Variants in POLD2 observed in about 807,000 individuals in gnomAD.
The protein encoded by POLD2 is DNA polymerase delta 2, accessory subunit, also known as DNA polymerase delta subunit 2.
A neutral mutation model predicts 48.8 loss-of-function variants in POLD2; 31 were observed. That is an observed-to-expected ratio of 0.64 (90% CI 0.48 to 0.86). The LOEUF is 0.86. POLD2 is among the 40% of genes least tolerant of loss of function. The pLI is 0.00. For missense variants in POLD2, 455 were observed against 610.1 expected (o/e 0.75, Z 2.68); for synonymous variants, 233 against 256.3 (o/e 0.91, Z 0.87).
chr7:44,117,483 C>A, intron 4 of POLD2, 136 bp downstream of exon 4: 3 of 1,143,054 alleles, frequency 2.6e-6, no homozygotes, highest in Non-Finnish European at 3.7e-6. Flanking sequence ...GGAGCCTCAC[C>A]TACCTCCTCA....
chr7:44,114,738 T>C lies in POLD2; in HGVS notation c.*47A>G, dbSNP rs376670483. The C allele has an allele frequency of 6.4e-7, 1 of 1,557,964 alleles. No homozygotes were observed. Among genetic ancestry groups the C allele is most frequent in the Non-Finnish European group, 8.7e-7 (1 of 1,143,230 alleles). On this transcript the variant is annotated 3_prime_UTR_variant, in exon 11 of 11. Transcript: ENST00000610533. ...TTTACAATGCCGACACTGCAGGGAA[T>C]GAACAGCCTCCATCTGGGCCTCTCT...
chr7:44,122,353 C>G (rs2096249459), intron 1 of POLD2: 1 of 1,294,734 alleles, frequency 7.7e-7, no homozygotes, highest in Non-Finnish European at 9.8e-7. Flanking sequence ...CTTCCCGAAC[C>G]CTAGACTCAG....
At position 44,116,475 on chromosome 7, in the gene POLD2, G is replaced by A. The variant is rs749854320; in HGVS notation, c.816C>T (p.Ser272=). The change falls in exon 7 of 11, where the codon AGC becomes AGT. Residue 272 remains serine (S), a synonymous_variant. Coordinates refer to ENST00000610533, the MANE Select transcript of POLD2 (RefSeq NM_006230.4). The surrounding 1 kb of genome is among the most constrained non-coding windows in gnomAD (Gnocchi z 6.1). ...KYLTKKTQAA[S]VEAVKMLDEI... is the part of the protein sequence containing the mutation. ...CATCCAGCATCTTAACAGCCTCCACGCTGGCTGCCTGGGTTTTCTTGGTGA... is the reference window on the plus strand; with the variant it reads ...CATCCAGCATCTTAACAGCCTCCACACTGGCTGCCTGGGTTTTCTTGGTGA... The A allele has an allele frequency of 1.1e-5, 17 of 1,584,456 alleles. No homozygotes were observed. Among genetic ancestry groups the A allele is most frequent in the South Asian group, 6.9e-5 (6 of 86,828 alleles).
Position 44,117,943 on chromosome 7 carries a change from C to T in POLD2, c.342G>A (p.Glu114=). The change falls in exon 3 of 11, where the codon GAG becomes GAA. Residue 114 remains glutamate, a splice_region_variant and synonymous_variant. Transcript: ENST00000610533. ...CCCACTGTGTAGCACCCTGCCTCAC[C>T]TCCTCGCTGACCTCCCGCAGGATGG... ...QPSILREVSE[E]HNLLPQPPRS... 3 of 1,613,882 alleles carry T rather than the reference C, an allele frequency of 1.9e-6. No individual in the cohort carries two copies. Among genetic ancestry groups the T allele is most frequent in the Admixed American group, 3.3e-5 (2 of 59,990 alleles).
intron 1 of POLD2, chr7:44,123,189 A>C (rs1200845844): frequency 1.6e-6 from 2 of 1,225,738 alleles, no homozygotes; most frequent in Non-Finnish European, 1.0e-6. Flanking sequence ...TAGAAAGTTA[A>C]AAAATTCCCT....
chr7:44,123,167 T>C (rs958362681), intron 1 of POLD2: 8 of 1,001,352 alleles, frequency 8.0e-6, no homozygotes, highest in Non-Finnish European at 1.0e-5. Flanking sequence ...TTTACTTTTT[T>C]CGTACACCTA....
chr7:44,123,479 C>T (rs762765424), intron 1 of POLD2, 32 bp downstream of exon 1: 14 of 1,497,226 alleles, frequency 9.4e-6, no homozygotes, highest in Non-Finnish European at 1.1e-5. Context: ...CTGCCACCCC[C>T]AGCTGACCCC....
chr7:44,116,421 C>A lies in POLD2; in HGVS notation c.861+9G>T. 6.4e-7 allele frequency: 1 copy of A among 1,574,288 alleles called. No individual in the cohort carries two copies. The highest frequency in any genetic ancestry group is 1.3e-5 in the African/African-American group (1 of 74,198). ...TCCCCATCACCCCTCCAGCCCCCAG[C>A]TCGCTCACGCTCAGCTGCAGGAGGA... On this transcript the variant is annotated intron_variant, in intron 7 of 10. Coordinates refer to ENST00000610533, the MANE Select transcript of POLD2 (RefSeq NM_006230.4). The surrounding 1 kb of genome is among the most constrained non-coding windows in gnomAD (Gnocchi z 6.1).
rs778255587 is a variant in POLD2, at chr7:44,117,148, G to C, written c.566C>G (p.Pro189Arg). The C allele has an allele frequency of 3.7e-6, 6 of 1,613,604 alleles. No individual in the cohort carries two copies. Among genetic ancestry groups the C allele is most frequent in the Admixed American group, 1.7e-5 (1 of 59,978 alleles). ...ADLAPQKPAP[P>R]LDTDRFVLLV... The stretch of plus-strand genomic sequence containing the variant: ...TGCTGCTCACCTATCTGTGTCAAGT[G>C]GGGGTGCGGGCTTCTGGGGAGCAAG... Residue 189 changes from proline (P) to arginine (R), a missense_variant, in exon 5 of 11, where the codon CCA (proline) becomes CGA (arginine). Coordinates refer to ENST00000610533, the MANE Select transcript of POLD2 (RefSeq NM_006230.4).
rs755340551 is a variant in POLD2 at position 44,121,713 on chromosome 7, G to A, written c.220+121C>T. The A allele has an allele frequency of 1.0e-5, 10 of 959,702 alleles. No homozygotes were observed. Among genetic ancestry groups the A allele is most frequent in the Non-Finnish European group, 1.5e-5 (10 of 652,736 alleles). The allele number at this position is 959,702 out of a possible 1,614,324, so 59.4% of individuals were successfully genotyped here. On this transcript the variant is annotated intron_variant, in intron 2 of 10. Coordinates refer to ENST00000610533, the MANE Select transcript of POLD2 (RefSeq NM_006230.4). The surrounding 1 kb of genome is among the most constrained non-coding windows in gnomAD (Gnocchi z 4.5). Reference sequence around the variant, plus strand: ...TAAGAAGAAACTGAGGGAAAAAGAGGTTAATTTTCCCAAGGTAACAGGAAG... The same window carrying A: ...TAAGAAGAAACTGAGGGAAAAAGAGATTAATTTTCCCAAGGTAACAGGAAG...
At chr7:44,120,563 T>C (rs1220145897) in intron 2 of POLD2, among the ~76,000 whole-genome samples, 1 of 152,242 alleles carries the variant, frequency 6.6e-6, no homozygotes, top group Non-Finnish European at 1.5e-5. Flanking sequence ...ACATCTCATC[T>C]GGAATTATAA....
chr7:44,123,373 A>T, intron 1 of POLD2, 138 bp downstream of exon 1: 2 of 1,413,522 alleles, frequency 1.4e-6, no homozygotes, highest in Non-Finnish European at 1.8e-6. Context: ...TGTCCCAGTC[A>T]CGGCGGGTGC....
At position 44,122,104 on chromosome 7, in the gene POLD2, G is replaced by T; in HGVS notation, c.-51C>A. The T allele has an allele frequency of 6.3e-7, 1 of 1,590,092 alleles. No homozygotes were observed. The highest frequency in any genetic ancestry group is 8.6e-7 in the Non-Finnish European group (1 of 1,165,318). On this transcript the variant is annotated 5_prime_UTR_variant, in exon 2 of 11. Transcript: ENST00000610533. ...CACACAGCTTCGCCCAGGCCAAGGA[G>T]GTTCACTGCGAAAACACAAAGGCAT...
Position 44,117,658 on chromosome 7 carries a change from T to A in POLD2, c.427A>T (p.Lys143Ter), listed in dbSNP as rs754040306. Residue 143 changes from lysine (K) to a stop codon, truncating the protein, a stop_gained, in exon 4 of 11, where the codon AAA becomes TAA. Coordinates refer to ENST00000610533, the MANE Select transcript of POLD2 (RefSeq NM_006230.4). LOFTEE classifies it high-confidence loss of function. ...GACACGTCAATGGTGCCTTTTAGTTTGATACGCTGCAGTTCATCTTCCAAG... is the reference window on the plus strand; with the variant it reads ...GACACGTCAATGGTGCCTTTTAGTTAGATACGCTGCAGTTCATCTTCCAAG... ...LVLEDELQRI[K>*]LKGTIDVSKL... 1.9e-6 allele frequency: 3 copies of A among 1,609,840 alleles called. No homozygotes were observed.
At chr7:44,120,286 C>T (rs2096246481) in intron 2 of POLD2, among the ~76,000 whole-genome samples, 1 of 152,132 alleles carries the variant, frequency 6.6e-6, no homozygotes, top group Non-Finnish European at 1.5e-5. Flanking sequence ...TTTGACAGCT[C>T]CAATAACTGG....
chr7:44,117,194 C>A lies in POLD2; in HGVS notation c.520G>T (p.Glu174Ter), dbSNP rs756385362. The part of the protein sequence containing the change: ...SVRDDGKFLV[E>*]DYCFADLAPQ... ...GCAAGGTCAGCAAAGCAATAGTCCT[C>A]CACCAGAAACTTCCCGTCGTCTCTC... is the stretch of plus-strand genomic sequence containing the variant. Residue 174 changes from glutamate to a stop codon, truncating the protein, a stop_gained, in exon 5 of 11, where the codon GAG (glutamate) becomes TAG (stop). Coordinates refer to ENST00000610533, the MANE Select transcript of POLD2 (RefSeq NM_006230.4). LOFTEE classifies it high-confidence loss of function. The A allele has an allele frequency of 2.5e-6, 4 of 1,613,930 alleles. No homozygotes were observed. In the Admixed American group the frequency reaches 6.7e-5, roughly 27 times the overall value.
Position 44,117,493 on chromosome 7 carries a change from A to G in POLD2, c.466+126T>C, listed in dbSNP as rs2096241989. 5 of 1,232,780 alleles carry G rather than the reference A, an allele frequency of 4.1e-6. No homozygotes were observed. In the Admixed American group the frequency reaches 8.6e-5, roughly 21 times the overall value. 76.4% of individuals were successfully genotyped at this position (1,232,780 alleles called of 1,614,324 possible). On this transcript the variant is annotated intron_variant, in intron 4 of 10. Transcript: ENST00000610533. ...CGCCTGGAGCCTCACCTACCTCCTCAAGAACACACGTGTGCCCAGGCCACA... is the reference window on the plus strand; with the variant it reads ...CGCCTGGAGCCTCACCTACCTCCTCGAGAACACACGTGTGCCCAGGCCACA...
At position 44,121,753 on chromosome 7, in the gene POLD2, T is replaced by C. The variant is rs918486534; in HGVS notation, c.220+81A>G. 3 of 1,350,658 alleles carry C rather than the reference T, an allele frequency of 2.2e-6. No homozygotes were observed. Among genetic ancestry groups the C allele is most frequent in the Non-Finnish European group, 2.0e-6 (2 of 989,750 alleles). The allele number at this position is 1,350,658 out of a possible 1,614,324, so 83.7% of individuals were successfully genotyped here. A position where few individuals can be genotyped will look rare whatever the true frequency, so the allele number is the denominator to read the frequency against. ...GTAACAGGAAGTGGGATCAATTAGATAAACTGTTCCCATTCTCTTGCAGAA... is the reference window on the plus strand; with the variant it reads ...GTAACAGGAAGTGGGATCAATTAGACAAACTGTTCCCATTCTCTTGCAGAA... On this transcript the variant is annotated intron_variant, in intron 2 of 10. Coordinates refer to ENST00000610533, the MANE Select transcript of POLD2 (RefSeq NM_006230.4). The surrounding 1 kb of genome is among the most constrained non-coding windows in gnomAD (Gnocchi z 4.5).
At chr7:44,123,205 C>T in intron 1 of POLD2, 1 of 1,253,670 alleles carries the variant, frequency 8.0e-7, no homozygotes, top group South Asian at 2.9e-5. Flanking sequence ...TCCCTAGCGG[C>T]TTGCAATCTA....
Sources: allele counts gnomAD v4.1 joint callset (sites outside exome capture counted in the v4.1 genomes callset), GRCh38; gene constraint gnomAD v4.1.1; non-coding constraint Gnocchi (gnomAD v3.1); transcripts MANE v1.5; gene names NCBI Gene and HGNC (gene_info 2026-07-23, HGNC 2026-07-21).